OR2T11: variants seen among roughly 807,000 people sequenced by gnomAD.
The protein encoded by OR2T11 is olfactory receptor 2T11.
In OR2T11, 14 loss-of-function variants were observed where a neutral mutation model predicts 13.5. The ratio of observed to expected loss-of-function variants is 1.04; its 90% confidence interval spans 0.69 to 1.62. The LOEUF (loss-of-function observed/expected upper bound fraction) is 1.62. Among genes scored for constraint, OR2T11 ranks in the 40% most tolerant of loss-of-function variants. The probability of loss-of-function intolerance (pLI) is 0.00; values close to 1 mark genes in which losing one functional copy is unlikely to be tolerated. For missense variants in OR2T11, 410 were observed against 389.7 expected (o/e 1.05, Z -0.44); for synonymous variants, 163 against 154.6 (o/e 1.05, Z -0.40).
Position 248,625,064 on chromosome 1 carries a change from TAAGTG to T in OR2T11, c.*1109_*1113del, listed in dbSNP as rs1660495273. On this transcript the variant is annotated 3_prime_UTR_variant, in exon 2 of 2. Transcript: ENST00000641193. ...CCTAATAGATATTTCCAAATTATCT[TAAGTG>T]AATTCTTGACTTCTGCTACCGACAA... is the stretch of plus-strand genomic sequence containing the variant. The T allele has an allele frequency of 6.9e-6, 1 of 144,132 alleles. No individual in the cohort carries two copies. The highest frequency in any genetic ancestry group is 1.5e-5 in the Non-Finnish European group (1 of 66,442). The allele number at this position is 144,132 out of a possible 1,614,324, so 8.9% of individuals were successfully genotyped here. A position where few individuals can be genotyped will look rare whatever the true frequency, so the allele number is the denominator to read the frequency against.
Position 248,627,107 on chromosome 1 carries a change from C to T in OR2T11, c.22G>A (p.Asp8Asn). 2 of 1,555,698 alleles carry T rather than the reference C, an allele frequency of 1.3e-6. No homozygotes were observed. The highest frequency in any genetic ancestry group is 1.8e-6 in the Non-Finnish European group (2 of 1,142,746). ...ACCAGAAGCCCCAGGAGGGTGAAGT[C>T]AGAGGATGATGTGTTCGTCATTGAT... MTNTSSSDFTLLGLLVNS... is the reference protein window; with the variant it reads MTNTSSSNFTLLGLLVNS... Residue 8 changes from aspartate to asparagine, a missense_variant, in exon 2 of 2, where the codon GAC (aspartate) becomes AAC (asparagine). Coordinates refer to ENST00000641193, the MANE Select transcript of OR2T11 (RefSeq NM_001001964.2).
At chr1:248,628,825 CCT>C (rs1264306243) in intron 1 of OR2T11, among the ~76,000 whole-genome samples, 4 of 143,114 alleles carry the variant, frequency 2.8e-5, no homozygotes, top group African/African-American at 1.1e-4. Context: ...ACTGTGGCCT[CCT>C]CTGTCAGGCC....
At chr1:248,631,549 G>A (rs1451966927) in intron 1 of OR2T11, among the ~76,000 whole-genome samples, 2 of 143,236 alleles carry the variant, frequency 1.4e-5, no homozygotes, top group Non-Finnish European at 3.0e-5. Flanking sequence ...ACCAGCCAAA[G>A]AGAAGTTAAA....
At chr1:248,633,552 C>A (rs1264710758) in intron 1 of OR2T11, among the ~76,000 whole-genome samples, 1 of 139,582 alleles carries the variant, frequency 7.2e-6, no homozygotes, top group Non-Finnish European at 1.5e-5. Context: ...GTAGTTTCCC[C>A]AGTTTATACA....
rs756927500 is a variant in OR2T11, at chr1:248,624,270, A to G, written c.*1908T>C. 1.6e-4 allele frequency: 23 copies of G among 143,298 alleles called. 3 individuals are homozygous for G. The highest frequency in any genetic ancestry group is 2.4e-4 in the Non-Finnish European group (16 of 66,326). 8.9% of individuals were successfully genotyped at this position (143,298 alleles called of 1,614,324 possible). A position where few individuals can be genotyped will look rare whatever the true frequency, so the allele number is the denominator to read the frequency against. ...CACCATTAACATCAAACACATTGGT[A>G]TCACGTTTTTCTAGTTATACTCCAT... On this transcript the variant is annotated 3_prime_UTR_variant, in exon 2 of 2. Transcript: ENST00000641193.
rs1333767850 is a variant in OR2T11 at position 248,627,461 on chromosome 1, C to T, written c.-144-189G>A. Among the ~76,000 whole-genome samples the T allele has an allele frequency of 2.1e-5, 3 of 142,832 alleles. 1 individual carries two copies. Among genetic ancestry groups the T allele is most frequent in the Non-Finnish European group, 4.5e-5 (3 of 66,184 alleles). 93.7% of individuals were successfully genotyped at this position (142,832 alleles called of 152,430 possible). On this transcript the variant is annotated intron_variant, in intron 1 of 1. Coordinates refer to ENST00000641193, the MANE Select transcript of OR2T11 (RefSeq NM_001001964.2). ...GGGTTTTAACCATATCTGTTCTGTC[C>T]ATGCTGCATTTCTTGTATCCAGAAA...
chr1:248,630,106 G>C (rs1660583956), intron 1 of OR2T11, among the ~76,000 whole-genome samples: 1 of 39,600 alleles, frequency 2.5e-5, no homozygotes, highest in Non-Finnish European at 8.3e-5. Context: ...TAGCAAAAAT[G>C]CAAATTATTT....
intron 1 of OR2T11, among the ~76,000 whole-genome samples, chr1:248,627,756 C>T (rs1660545640): frequency 7.0e-6 from 1 of 142,546 alleles, no homozygotes; most frequent in South Asian, 2.2e-4. Flanking sequence ...AGTCAAATAG[C>T]GTAGGTTGTG....
At position 248,631,307 on chromosome 1, in the gene OR2T11, G is replaced by GGGT. The variant is rs140133377; in HGVS notation, c.-145+3728_-145+3730dup. On this transcript the variant is annotated intron_variant, in intron 1 of 1. Transcript: ENST00000641193. ...CAGCACTTGTGTAGTGCTTCTTGCT[G>GGGT]GGTCTCAGGCACCGTGGACGTGTGC... Among the ~76,000 whole-genome samples, 112 of 143,738 alleles carry GGGT rather than the reference G, an allele frequency of 7.8e-4. 18 individuals are homozygous for GGGT. Among genetic ancestry groups the GGGT allele is most frequent in the African/African-American group, 3.0e-3 (110 of 36,652 alleles). 94.3% of individuals were successfully genotyped at this position (143,738 alleles called of 152,430 possible). A position where few individuals can be genotyped will look rare whatever the true frequency, so the allele number is the denominator to read the frequency against.
At position 248,627,181 on chromosome 1, in the gene OR2T11, G is replaced by A. The variant is rs1286592854; in HGVS notation, c.-53C>T. ...AACGGGAAGACACAAGGACCAGGAA[G>A]GAGGCAAGAGAACACGGTCAAGATG... On this transcript the variant is annotated 5_prime_UTR_variant, in exon 2 of 2. Transcript: ENST00000641193. 42 of 1,066,436 alleles carry A rather than the reference G, an allele frequency of 3.9e-5. 1 individual carries two copies. The highest frequency in any genetic ancestry group is 5.8e-5 in the Non-Finnish European group (42 of 720,214). The allele number at this position is 1,066,436 out of a possible 1,614,324, so 66.1% of individuals were successfully genotyped here.
rs547397467 is a variant in OR2T11 at position 248,630,299 on chromosome 1, T to C, written c.-144-3027A>G. On this transcript the variant is annotated intron_variant, in intron 1 of 1. Transcript: ENST00000641193. Reference sequence around the variant, plus strand: ...AAAACTTCATTCTAGGAAAAATAAATAACAAGTTTCTAAGATCAGACAGCA... The same window carrying C: ...AAAACTTCATTCTAGGAAAAATAAACAACAAGTTTCTAAGATCAGACAGCA... Among the ~76,000 whole-genome samples, 44 of 143,494 alleles carry C rather than the reference T, an allele frequency of 3.1e-4. 6 individuals are homozygous for C. The highest frequency in any genetic ancestry group is 2.4e-3 in the Admixed American group (36 of 14,748). The allele number at this position is 143,494 out of a possible 152,430, so 94.1% of individuals were successfully genotyped here.
At position 248,634,541 on chromosome 1, in the gene OR2T11, A is replaced by C. The variant is rs149399641; in HGVS notation, c.-145+497T>G. Among the ~76,000 whole-genome samples the C allele has an allele frequency of 2.8e-3, 403 of 142,594 alleles. 33 individuals carry two copies. Among genetic ancestry groups the C allele is most frequent in the East Asian group, 0.012 (59 of 4,952 alleles). 93.5% of individuals were successfully genotyped at this position (142,594 alleles called of 152,430 possible). On this transcript the variant is annotated intron_variant, in intron 1 of 1. Coordinates refer to ENST00000641193, the MANE Select transcript of OR2T11 (RefSeq NM_001001964.2). ...CTCAGTACAATCCCAGCTGAAAAAG[A>C]AGCTTAAAAATGCATCTGGTTTTTA...
rs1392055893 is a variant in OR2T11, at chr1:248,631,971, T to C, written c.-145+3067A>G. 2.8e-5 allele frequency among the ~76,000 whole-genome samples: 4 copies of C among 143,944 alleles called. 1 individual carries two copies. Among genetic ancestry groups the C allele is most frequent in the Non-Finnish European group, 4.5e-5 (3 of 66,390 alleles). The allele number at this position is 143,944 out of a possible 152,430, so 94.4% of individuals were successfully genotyped here. On this transcript the variant is annotated intron_variant, in intron 1 of 1. Transcript: ENST00000641193. The stretch of plus-strand genomic sequence containing the variant: ...ATCTGAGATTTGAAGATCTCTGTAA[T>C]GTGGCAGAGTTCACTTAAGGAGAAA...
rs528802113 is a variant in OR2T11, at chr1:248,626,787, G to A, written c.342C>T (p.Leu114=). 7.0e-6 allele frequency: 11 copies of A among 1,569,226 alleles called. No homozygotes were observed. In the South Asian group the frequency reaches 1.2e-4, roughly 18 times the overall value. Residue 114 remains leucine (L), a synonymous_variant, in exon 2 of 2, where the codon CTC becomes CTT. Coordinates refer to ENST00000641193, the MANE Select transcript of OR2T11 (RefSeq NM_001001964.2). The stretch of plus-strand genomic sequence containing the variant: ...CAGCCACGTAGCAGTCATAGGCCAT[G>A]AGGCCCAGGAGGAAGAACTCAGAAC... The part of the protein sequence containing the change: ...MIGSEFFLLG[L]MAYDCYVAVC...
rs936813844 is a variant in OR2T11, at chr1:248,633,804, TGAAA to T, written c.-145+1230_-145+1233del. 1.2e-4 allele frequency among the ~76,000 whole-genome samples: 18 copies of T among 144,118 alleles called. 2 individuals are homozygous for T. Among genetic ancestry groups the T allele is most frequent in the Non-Finnish European group, 1.1e-4 (7 of 66,364 alleles). The allele number at this position is 144,118 out of a possible 152,430, so 94.5% of individuals were successfully genotyped here. A position where few individuals can be genotyped will look rare whatever the true frequency, so the allele number is the denominator to read the frequency against. On this transcript the variant is annotated intron_variant, in intron 1 of 1. Transcript: ENST00000641193. ...AACTTTGCATTTAAATTTTCAGTCA[TGAAA>T]GAGTTTTCTGCTTCCACCCTTGAGA... is the stretch of plus-strand genomic sequence containing the variant.
In OR2T11 at chr1:248,627,008, C is replaced by A. The variant is rs1042297025; in HGVS notation, c.121G>T (p.Val41Phe). ...VFLGAVTANL[V>F]MIFLIQVDSR... ...TCCACCTGAATCAAGAATATCATGA[C>A]CAAATTTGCAGTCACGGCCCCCAAG... is the stretch of plus-strand genomic sequence containing the variant. The change falls in exon 2 of 2, where the codon GTC (valine) becomes TTC (phenylalanine). Residue 41 changes from valine (V) to phenylalanine (F), a missense_variant. Val to Phe is a conservative substitution (Grantham distance 50). Coordinates refer to ENST00000641193, the MANE Select transcript of OR2T11 (RefSeq NM_001001964.2). The A allele has an allele frequency of 2.5e-6, 4 of 1,570,120 alleles. 2 individuals are homozygous for A. The African/African-American group carries it at 6.0e-5, about 24-fold the overall frequency.
In OR2T11 at chr1:248,624,669, T is replaced by TTA. The variant is rs1660489722; in HGVS notation, c.*1507_*1508dup. On this transcript the variant is annotated 3_prime_UTR_variant, in exon 2 of 2. Transcript: ENST00000641193. ...GTACTCTGATTATTAAATGTATGCT[T>TTA]TATGTTCAGAACTCTAATCTGAAGT... 2 of 144,194 alleles carry TTA rather than the reference T, an allele frequency of 1.4e-5. No individual in the cohort carries two copies. The highest frequency in any genetic ancestry group is 5.4e-5 in the African/African-American group (2 of 36,754). 8.9% of individuals were successfully genotyped at this position (144,194 alleles called of 1,614,324 possible).
intron 1 of OR2T11, among the ~76,000 whole-genome samples, chr1:248,631,752 T>C (rs1660618819): frequency 1.4e-5 from 2 of 142,614 alleles, no homozygotes; most frequent in Admixed American, 1.4e-4. Context: ...CTGAGGTACA[T>C]AAAAAAAATC....
Position 248,624,646 on chromosome 1 carries a change from ACT to A in OR2T11, c.*1530_*1531del, listed in dbSNP as rs1033633843. 2.1e-5 allele frequency: 3 copies of A among 143,962 alleles called. No homozygotes were observed. The highest frequency in any genetic ancestry group is 4.5e-5 in the Non-Finnish European group (3 of 66,366). The allele number at this position is 143,962 out of a possible 1,614,324, so 8.9% of individuals were successfully genotyped here. A position where few individuals can be genotyped will look rare whatever the true frequency, so the allele number is the denominator to read the frequency against. ...AAACCTGTTTTTAAATGCTCTTCGT[ACT>A]CTGATTATTAAATGTATGCTTTATG... On this transcript the variant is annotated 3_prime_UTR_variant, in exon 2 of 2. Coordinates refer to ENST00000641193, the MANE Select transcript of OR2T11 (RefSeq NM_001001964.2).
Sources: allele counts gnomAD v4.1 joint callset (sites outside exome capture counted in the v4.1 genomes callset), GRCh38; gene constraint gnomAD v4.1.1; transcripts MANE v1.5; gene names NCBI Gene and HGNC (gene_info 2026-07-23, HGNC 2026-07-21).